PLAG1: variants seen among roughly 807,000 people sequenced by gnomAD.
The protein encoded by PLAG1 is PLAG1 zinc finger.
PLAG1 carries 7 observed loss-of-function variants against 35.5 expected under a neutral mutation model. The observed-to-expected ratio is 0.20, with a 90% CI of 0.11 to 0.37. The LOEUF (loss-of-function observed/expected upper bound fraction) is 0.37. PLAG1 is among the 10% of genes least tolerant of loss of function. The pLI, the probability that PLAG1 is intolerant of heterozygous loss-of-function variation, is 1.00. For missense variants in PLAG1, 454 were observed against 602.8 expected, an observed-to-expected ratio of 0.75 and a Z score of 2.58; for synonymous variants, 229 against 225.4, an observed-to-expected ratio of 1.02 and a Z score of -0.14.
chr8:56,190,773 T>G (rs1042507987), intron 1 of PLAG1, among the ~76,000 whole-genome samples: 2 of 151,714 alleles, frequency 1.3e-5, no homozygotes, highest in East Asian at 3.9e-4. Flanking sequence ...TAAGAAGAGA[T>G]AGAGGAGGAC....
intron 1 of PLAG1, among the ~76,000 whole-genome samples, chr8:56,200,461 G>C (rs188468779): frequency 1.4e-4 from 21 of 152,342 alleles, no homozygotes; most frequent in Admixed American, 1.3e-3. Context: ...TCACATTTCT[G>C]TAACGCTAGT....
At chr8:56,181,498 A>G (rs1811862592) in intron 1 of PLAG1, among the ~76,000 whole-genome samples, 1 of 151,494 alleles carries the variant, frequency 6.6e-6, no homozygotes, top group African/African-American at 2.4e-5. Context: ...GTTCTCACTC[A>G]TAAGTGGGAG....
intron 1 of PLAG1, among the ~76,000 whole-genome samples, chr8:56,200,208 C>A (rs1179824232): frequency 6.6e-6 from 1 of 152,184 alleles, no homozygotes; most frequent in East Asian, 1.9e-4. Context: ...GAGTCTAATT[C>A]CCCCAAGTGG....
In PLAG1 at chr8:56,162,731, T is replaced by C. The variant is rs1563369183; in HGVS notation, c.*3512A>G. 4.8e-6 allele frequency: 1 copy of C among 210,442 alleles called. No homozygotes were observed. The allele number at this position is 210,442 out of a possible 1,614,324, so 13.0% of individuals were successfully genotyped here. A position where few individuals can be genotyped will look rare whatever the true frequency, so the allele number is the denominator to read the frequency against. On this transcript the variant is annotated 3_prime_UTR_variant, in exon 5 of 5. Coordinates refer to ENST00000316981, the MANE Select transcript of PLAG1 (RefSeq NM_002655.3). ...TGAACGATCCTGAAAATATGTACTCTTTAACATTCATTATTAGCTTAATAA... is the reference window on the plus strand; with the variant it reads ...TGAACGATCCTGAAAATATGTACTCCTTAACATTCATTATTAGCTTAATAA...
chr8:56,177,749 C>G (rs68005065), intron 2 of PLAG1, among the ~76,000 whole-genome samples: 1 of 152,026 alleles, frequency 6.6e-6, no homozygotes, highest in Non-Finnish European at 1.5e-5. Flanking sequence ...TAGCAGGTAA[C>G]TATGTTTCAG....
intron 1 of PLAG1, among the ~76,000 whole-genome samples, chr8:56,205,750 G>A (rs1418311139): frequency 3.3e-5 from 5 of 151,794 alleles, no homozygotes; most frequent in Admixed American, 2.6e-4. Context: ...CCTTCACATT[G>A]CTAGGTTTTC....
chr8:56,209,756 G>A (rs1812798001), intron 1 of PLAG1, among the ~76,000 whole-genome samples: 1 of 152,100 alleles, frequency 6.6e-6, no homozygotes, highest in Non-Finnish European at 1.5e-5. Context: ...TTGCACTCCA[G>A]CCTCTCTGAG....
At chr8:56,206,035 T>C (rs1361588298) in intron 1 of PLAG1, among the ~76,000 whole-genome samples, 2 of 152,018 alleles carry the variant, frequency 1.3e-5, no homozygotes, top group African/African-American at 4.8e-5. Context: ...AATAAGATAT[T>C]TCTGTTTTAT....
intron 1 of PLAG1, among the ~76,000 whole-genome samples, chr8:56,195,000 T>C (rs935550748): frequency 1.8e-4 from 28 of 152,206 alleles, no homozygotes; most frequent in African/African-American, 5.5e-4. Flanking sequence ...AGGTGGGTGG[T>C]GAGCGAAGAA....
At chr8:56,182,537 T>C (rs1011313166) in intron 1 of PLAG1, among the ~76,000 whole-genome samples, 2 of 149,020 alleles carry the variant, frequency 1.3e-5, no homozygotes, top group South Asian at 2.1e-4. Flanking sequence ...AACTGGCCCA[T>C]AGGTTCACCA....
At chr8:56,189,018 T>C (rs1812102530) in intron 1 of PLAG1, among the ~76,000 whole-genome samples, 1 of 152,206 alleles carries the variant, frequency 6.6e-6, no homozygotes, top group Admixed American at 6.5e-5. Context: ...GGCCACAAAA[T>C]GTAAGCTCTA....
intron 1 of PLAG1, among the ~76,000 whole-genome samples, chr8:56,203,244 A>G (rs190112714): frequency 1.3e-5 from 2 of 152,282 alleles, no homozygotes; most frequent in East Asian, 3.8e-4. Flanking sequence ...ATTCAGATAC[A>G]AAAACAACTA....
intron 1 of PLAG1, among the ~76,000 whole-genome samples, chr8:56,183,367 G>A (rs1811927215): frequency 6.6e-6 from 1 of 152,148 alleles, no homozygotes; most frequent in Admixed American, 6.5e-5. Flanking sequence ...GGTGAAGTGT[G>A]ATATGCATGT....
chr8:56,202,105 C>T (rs1812572674), intron 1 of PLAG1, among the ~76,000 whole-genome samples: 1 of 151,940 alleles, frequency 6.6e-6, no homozygotes, highest in African/African-American at 2.4e-5. Context: ...AAATACTAGT[C>T]TAATTCTACT....
Position 56,167,230 on chromosome 8 carries a change from A to C in PLAG1, c.516T>G (p.His172Gln). ...TGVLLEHLKS[H>Q]AGKSSGGVKE... ...TAACCCCACCAGACGACTTGCCTGC[A>C]TGAGATTTAAGGTGCTCCAGAAGCA... Residue 172 changes from histidine to glutamine, a missense_variant, in exon 5 of 5, where the codon CAT (histidine) becomes CAG (glutamine). Physicochemically the swap from His to Gln is conservative, Grantham distance 24. Around this residue, in one of 4 missense-constraint regions of PLAG1, gnomAD observed 170 missense variants for 226.3 expected, o/e 0.75. Coordinates refer to ENST00000316981, the MANE Select transcript of PLAG1 (RefSeq NM_002655.3). This position sits in a 1 kb window ranked among gnomAD's most constrained non-coding sequence, Gnocchi z 5.9. 6.2e-7 allele frequency: 1 copy of C among 1,614,124 alleles called. No homozygotes were observed. The highest frequency in any genetic ancestry group is 8.5e-7 in the Non-Finnish European group (1 of 1,180,014).
chr8:56,187,608 C>T lies in PLAG1; in HGVS notation c.-321-8095G>A, dbSNP rs75593785. ...CAAAGCTGTTATATTCAGAGTGTTACTCAGAAGTAAGTGCTGCCCTGGCCT... is the reference window on the plus strand; with the variant it reads ...CAAAGCTGTTATATTCAGAGTGTTATTCAGAAGTAAGTGCTGCCCTGGCCT... On this transcript the variant is annotated intron_variant, in intron 1 of 4. Transcript: ENST00000316981. 5.4e-3 allele frequency among the ~76,000 whole-genome samples: 821 copies of T among 152,268 alleles called. 4 individuals are homozygous for T. The highest frequency in any genetic ancestry group is 8.0e-3 in the Admixed American group (122 of 15,306).
intron 1 of PLAG1, among the ~76,000 whole-genome samples, chr8:56,199,730 C>CG (rs927366359): frequency 7.0e-6 from 1 of 142,512 alleles, no homozygotes; most frequent in Non-Finnish European, 1.5e-5. Flanking sequence ...TCTCCACCAC[C>CG]CCCCCCGATC....
chr8:56,181,119 G>C (rs1398587682), intron 1 of PLAG1, among the ~76,000 whole-genome samples: 1 of 152,140 alleles, frequency 6.6e-6, no homozygotes, highest in Non-Finnish European at 1.5e-5. Flanking sequence ...ACTGTTGGTG[G>C]GAGTGTAACT....
chr8:56,184,749 C>T (rs954308288), intron 1 of PLAG1, among the ~76,000 whole-genome samples: 28 of 151,968 alleles, frequency 1.8e-4, no homozygotes, highest in African/African-American at 6.3e-4. Flanking sequence ...AAACCCCATC[C>T]CTACTGAAAA....
Sources: gnomAD v4.1 joint callset for allele counts (sites outside exome capture counted in the v4.1 genomes callset) on GRCh38, gnomAD v4.1.1 for gene constraint, gnomAD v4.1.1 regional missense constraint, Gnocchi (gnomAD v3.1) non-coding constraint, MANE v1.5 for transcripts, NCBI Gene and HGNC (gene_info 2026-07-23, HGNC 2026-07-21) for gene names.